The following KIAA1614 variants were observed in gnomAD, a reference collection of about 807,000 sequenced individuals.
KIAA1614 encodes the protein uncharacterized protein KIAA1614.
In KIAA1614, 76 loss-of-function variants were observed where a neutral mutation model predicts 88.7. The ratio of observed to expected loss-of-function variants is 0.86; its 90% CI spans 0.71 to 1.04. KIAA1614 has a LOEUF of 1.04. Ranked by LOEUF, KIAA1614 falls within the 50% of genes least tolerant of loss-of-function variation. The probability of loss-of-function intolerance (pLI) is 0.00; values close to 1 mark genes in which losing one functional copy is unlikely to be tolerated. For missense variants in KIAA1614, 1,553 were observed against 1,582.5 expected (o/e 0.98, Z 0.32); for synonymous variants, 714 against 675.5 (o/e 1.06, Z -0.88).
Position 180,941,068 on chromosome 1 carries a change from G to T in KIAA1614, c.2942G>T (p.Gly981Val), listed in dbSNP as rs772147929. The change falls in exon 7 of 9, where the codon GGA becomes GTA. Residue 981 changes from glycine to valine, a missense_variant. Coordinates refer to ENST00000367588, the MANE Select transcript of KIAA1614 (RefSeq NM_020950.2). The part of the protein sequence containing the change: ...LSRASAGAGT[G>V]PGSPSAAPLD... ...AGAGCATCAGCAGGAGCTGGCACAG[G>T]ACCCGGCTCCCCCTCGGCTGCCCCT... is the stretch of plus-strand genomic sequence containing the variant. The T allele has an allele frequency of 2.8e-6, 4 of 1,410,320 alleles. No homozygotes were observed. In the South Asian group the frequency reaches 4.5e-5, roughly 16 times the overall value. 87.4% of individuals were successfully genotyped at this position (1,410,320 alleles called of 1,614,324 possible). A position where few individuals can be genotyped will look rare whatever the true frequency, so the allele number is the denominator to read the frequency against.
At chr1:180,928,295 T>G in intron 3 of KIAA1614, 135 bp from the exon 4 acceptor site, 1 of 1,096,214 alleles carries the variant, frequency 9.1e-7, no homozygotes. Flanking sequence ...TGTGCGTGGG[T>G]GCTAGAGGAG....
chr1:180,923,719 G>T (rs1030651660), intron 3 of KIAA1614, among the ~76,000 whole-genome samples: 1 of 152,010 alleles, frequency 6.6e-6, no homozygotes, highest in East Asian at 1.9e-4. Flanking sequence ...GTGTGAGTAA[G>T]GGCTCAGCAA....
intron 7 of KIAA1614, among the ~76,000 whole-genome samples, chr1:180,943,471 A>T (rs749512432): frequency 1.3e-5 from 2 of 151,200 alleles, no homozygotes; most frequent in Non-Finnish European, 2.9e-5. Flanking sequence ...AAATATATGG[A>T]ACCAAACTTT....
rs975914658 is a variant in KIAA1614 at position 180,948,059 on chromosome 1, G to C, written c.*2471G>C. On this transcript the variant is annotated 3_prime_UTR_variant, in exon 9 of 9. Transcript: ENST00000367588. ...GAGCTCTGATGGGCAGGGGTCTCTAGTGACCCAGGGCCCCCGGCACCCTCG... is the reference window on the plus strand; with the variant it reads ...GAGCTCTGATGGGCAGGGGTCTCTACTGACCCAGGGCCCCCGGCACCCTCG... The C allele has an allele frequency of 9.9e-5, 15 of 152,250 alleles. No individual in the cohort carries two copies. Among genetic ancestry groups the C allele is most frequent in the Admixed American group, 8.5e-4 (13 of 15,290 alleles). The allele number at this position is 152,250 out of a possible 1,614,324, so 9.4% of individuals were successfully genotyped here.
chr1:180,935,640 C>A lies in KIAA1614; in HGVS notation c.1731C>A (p.Ser577Arg), dbSNP rs375427580. The A allele has an allele frequency of 3.1e-6, 5 of 1,611,820 alleles. No homozygotes were observed. The highest frequency in any genetic ancestry group is 4.2e-6 in the Non-Finnish European group (5 of 1,179,116). The change falls in exon 5 of 9, where the codon AGC becomes AGA. Residue 577 changes from serine (S) to arginine (R), a missense_variant. By Grantham distance (110) the Ser-to-Arg change is moderately radical (BLOSUM62 -1). Transcript: ENST00000367588. The surrounding 1 kb of genome is among the most constrained non-coding windows in gnomAD (Gnocchi z 6.1). ...TGGAGAGGGTGCTGGGTGGCCTGAG[C>A]TCCCCACTCCGGCTCCTTCCTGCAG... ...CGMERVLGGL[S>R]SPLRLLPAEP...
rs1488296116 is a variant in KIAA1614 at position 180,945,881 on chromosome 1, G to A, written c.*293G>A. On this transcript the variant is annotated 3_prime_UTR_variant, in exon 9 of 9. Transcript: ENST00000367588. ...GAACTTTGGGAGGCCGAGGCGCCTGGATCACCTGAGGTCAGGAGTTCGAGA... is the reference window on the plus strand; with the variant it reads ...GAACTTTGGGAGGCCGAGGCGCCTGAATCACCTGAGGTCAGGAGTTCGAGA... The A allele has an allele frequency of 2.0e-6, 2 of 1,004,198 alleles. No homozygotes were observed. The highest frequency in any genetic ancestry group is 2.5e-6 in the Non-Finnish European group (2 of 805,888). The allele number at this position is 1,004,198 out of a possible 1,614,324, so 62.2% of individuals were successfully genotyped here.
At chr1:180,921,631 T>C (rs1653953797) in intron 3 of KIAA1614, among the ~76,000 whole-genome samples, 1 of 152,158 alleles carries the variant, frequency 6.6e-6, no homozygotes, top group African/African-American at 2.4e-5. Flanking sequence ...GGGGGTCTCC[T>C]TCCCCTCCCA....
At chr1:180,944,358 C>G in intron 7 of KIAA1614, 31 bp from the exon 8 acceptor site, 1 of 1,607,614 alleles carries the variant, frequency 6.2e-7, no homozygotes, top group Non-Finnish European at 8.5e-7. Context: ...GGTAGCTTTT[C>G]TCACCCGCAA....
intron 3 of KIAA1614, among the ~76,000 whole-genome samples, chr1:180,918,581 A>G (rs1490186499): frequency 6.6e-6 from 1 of 152,188 alleles, no homozygotes; most frequent in African/African-American, 2.4e-5. Flanking sequence ...GCACCTGCAC[A>G]GAGGTTGAAC....
chr1:180,928,512 G>T lies in KIAA1614; in HGVS notation c.1144G>T (p.Ala382Ser). Reference sequence around the variant, plus strand: ...TCTGCTGCAGCGTGCCCGCATGAAGGCCAGGACCCGGCCCCTCCGTGCCAG... The same window carrying T: ...TCTGCTGCAGCGTGCCCGCATGAAGTCCAGGACCCGGCCCCTCCGTGCCAG... ...THLLQRARMKARTRPLRASHD... is the reference protein window; with the variant it reads ...THLLQRARMKSRTRPLRASHD... Residue 382 changes from alanine (A) to serine (S), a missense_variant, in exon 4 of 9, where the codon GCC becomes TCC. Physicochemically the swap from Ala to Ser is moderately conservative, Grantham distance 99. Coordinates refer to ENST00000367588, the MANE Select transcript of KIAA1614 (RefSeq NM_020950.2). 6.2e-7 allele frequency: 1 copy of T among 1,613,030 alleles called. No individual in the cohort carries two copies. The highest frequency in any genetic ancestry group is 8.5e-7 in the Non-Finnish European group (1 of 1,179,950).
intron 4 of KIAA1614, among the ~76,000 whole-genome samples, chr1:180,928,976 G>C (rs969286629): frequency 2.6e-5 from 4 of 152,246 alleles, no homozygotes; most frequent in Non-Finnish European, 4.4e-5. Flanking sequence ...GCTGAGGCTT[G>C]ACGGAAGTAT....
In KIAA1614 at chr1:180,916,886, C is replaced by T. The variant is rs776354353; in HGVS notation, c.783C>T (p.Ser261=). The stretch of plus-strand genomic sequence containing the variant: ...ATCTGGATAGCACATCCCTGACCTC[C>T]GAGGAGGTCTTTGTCCCCAGGACGG... ...EADLDSTSLT[S]EEVFVPRTAL... is the part of the protein sequence containing the mutation. Residue 261 remains serine, a synonymous_variant, in exon 2 of 9, where the codon TCC becomes TCT. Coordinates refer to ENST00000367588, the MANE Select transcript of KIAA1614 (RefSeq NM_020950.2). The T allele has an allele frequency of 4.0e-5, 65 of 1,614,122 alleles. No homozygotes were observed. Among genetic ancestry groups the T allele is most frequent in the Admixed American group, 8.3e-5 (5 of 60,016 alleles).
Position 180,948,582 on chromosome 1 carries a change from C to T in KIAA1614, c.*2994C>T, listed in dbSNP as rs1654652814. On this transcript the variant is annotated 3_prime_UTR_variant, in exon 9 of 9. Coordinates refer to ENST00000367588, the MANE Select transcript of KIAA1614 (RefSeq NM_020950.2). ...TCTTTCAGGGTTTATCATTAGTCCCCACCTGCAACTCCCACAGCACATCAG... is the reference window on the plus strand; with the variant it reads ...TCTTTCAGGGTTTATCATTAGTCCCTACCTGCAACTCCCACAGCACATCAG... 6.6e-6 allele frequency: 1 copy of T among 152,272 alleles called. No homozygotes were observed. Among genetic ancestry groups the T allele is most frequent in the Non-Finnish European group, 1.5e-5 (1 of 68,070 alleles). 9.4% of individuals were successfully genotyped at this position (152,272 alleles called of 1,614,324 possible).
Position 180,950,454 on chromosome 1 carries a change from T to C in KIAA1614, c.*4866T>C. On this transcript the variant is annotated 3_prime_UTR_variant, in exon 9 of 9. Coordinates refer to ENST00000367588, the MANE Select transcript of KIAA1614 (RefSeq NM_020950.2). ...GGGGCCAAGGTGGCAGGGCTGGGCT[T>C]GGCTCACATTAAGGAGCTCCTGGCC... The C allele has an allele frequency of 8.5e-7, 1 of 1,178,168 alleles. No homozygotes were observed. Among genetic ancestry groups the C allele is most frequent in the Non-Finnish European group, 1.1e-6 (1 of 932,716 alleles). 73.0% of individuals were successfully genotyped at this position (1,178,168 alleles called of 1,614,324 possible). A position where few individuals can be genotyped will look rare whatever the true frequency, so the allele number is the denominator to read the frequency against.
Position 180,916,254 on chromosome 1 carries a change from A to C in KIAA1614, c.151A>C (p.Arg51=). 6.2e-7 allele frequency: 1 copy of C among 1,613,734 alleles called. No individual in the cohort carries two copies. Among genetic ancestry groups the C allele is most frequent in the Non-Finnish European group, 8.5e-7 (1 of 1,179,988 alleles). The part of the protein sequence containing the change: ...EPQLDNGHPP[R]PWPCPQENRT... ...ACAGCTGGATAACGGACACCCCCCA[A>C]GACCCTGGCCTTGCCCTCAGGAAAA... Residue 51 remains arginine (R), a synonymous_variant, in exon 2 of 9, where the codon AGA becomes CGA. Coordinates refer to ENST00000367588, the MANE Select transcript of KIAA1614 (RefSeq NM_020950.2).
intron 2 of KIAA1614, 53 bp from the exon 3 acceptor site, chr1:180,917,798 G>A (rs945526922): frequency 2.1e-6 from 3 of 1,442,414 alleles, no homozygotes; most frequent in Non-Finnish European, 2.9e-6. Flanking sequence ...AGTGGCAGCT[G>A]AGAGCCCTGT....
chr1:180,917,954 C>T, intron 3 of KIAA1614, 40 bp downstream of exon 3: 3 of 1,536,286 alleles, frequency 2.0e-6, no homozygotes. Flanking sequence ...CCTCCCTCCT[C>T]ACCATGGTCC....
intron 3 of KIAA1614, among the ~76,000 whole-genome samples, chr1:180,920,107 G>A (rs1343748868): frequency 2.0e-5 from 3 of 152,212 alleles, no homozygotes; most frequent in Non-Finnish European, 4.4e-5. Context: ...TCCCTGCTGA[G>A]TAGACGCCCA....
In KIAA1614 at chr1:180,947,104, T is replaced by C. The variant is rs1439889949; in HGVS notation, c.*1516T>C. The C allele has an allele frequency of 6.6e-6, 1 of 152,186 alleles. No homozygotes were observed. Among genetic ancestry groups the C allele is most frequent in the Non-Finnish European group, 1.5e-5 (1 of 68,086 alleles). The allele number at this position is 152,186 out of a possible 1,614,324, so 9.4% of individuals were successfully genotyped here. ...TGGATGGGGCGAGGAAGGGGCCCCATGGGTGTCTGGGGAAGAGCATTCCGG... is the reference window on the plus strand; with the variant it reads ...TGGATGGGGCGAGGAAGGGGCCCCACGGGTGTCTGGGGAAGAGCATTCCGG... On this transcript the variant is annotated 3_prime_UTR_variant, in exon 9 of 9. Transcript: ENST00000367588.
Sources: gnomAD v4.1 joint callset for allele counts (sites outside exome capture counted in the v4.1 genomes callset) on GRCh38, gnomAD v4.1.1 for gene constraint, Gnocchi (gnomAD v3.1) non-coding constraint, MANE v1.5 for transcripts, NCBI Gene and HGNC (gene_info 2026-07-23, HGNC 2026-07-21) for gene names.